MAGI2: variants seen among roughly 807,000 people sequenced by gnomAD.
MAGI2 encodes membrane-associated guanylate kinase, WW and PDZ domain-containing protein 2.
MAGI2 carries 35 observed loss-of-function variants against 133.3 expected under a neutral mutation model. The observed-to-expected ratio is 0.26, with a 90% CI of 0.20 to 0.35. MAGI2 has a LOEUF of 0.35. Ranked by LOEUF, MAGI2 falls within the 10% of genes least tolerant of loss-of-function variation. The pLI, the probability that MAGI2 is intolerant of heterozygous loss-of-function variation, is 1.00. For synonymous variants in MAGI2, 729 were observed against 710.6 expected, an observed-to-expected ratio of 1.03 and a Z score of -0.41; for missense variants, 1,636 against 1,863.4, an observed-to-expected ratio of 0.88 and a Z score of 2.25.
At chr7:78,025,251 G>A (rs1194318959) in intron 21 of MAGI2, among the ~76,000 whole-genome samples, 1 of 152,114 alleles carries the variant, frequency 6.6e-6, no homozygotes, top group Non-Finnish European at 1.5e-5. Flanking sequence ...AGAACATGGC[G>A]GGTTCTTTTT....
chr7:79,006,926 G>A, intron 2 of MAGI2, 164 bp downstream of exon 2: 1 of 523,310 alleles, frequency 1.9e-6, no homozygotes, highest in East Asian at 3.2e-5. Context: ...TACTACTGCA[G>A]TTATAAGCAT....
At chr7:78,232,834 T>A (rs753740537) in intron 10 of MAGI2, among the ~76,000 whole-genome samples, 6 of 152,136 alleles carry the variant, frequency 3.9e-5, no homozygotes, top group Non-Finnish European at 5.9e-5. Flanking sequence ...TAGGAAGAAA[T>A]ACTTTGCAAT....
At chr7:79,172,154 A>G (rs922613257) in intron 1 of MAGI2, among the ~76,000 whole-genome samples, 1 of 152,060 alleles carries the variant, frequency 6.6e-6, no homozygotes, top group Non-Finnish European at 1.5e-5. Flanking sequence ...TTGAATTTAG[A>G]ACTTGTGAAC....
chr7:78,100,246 G>A (rs1044746679), intron 20 of MAGI2, among the ~76,000 whole-genome samples: 1 of 152,178 alleles, frequency 6.6e-6, no homozygotes, highest in African/African-American at 2.4e-5. Flanking sequence ...TACTTGACAT[G>A]TCAGGAGGGC....
chr7:78,903,591 G>A (rs919638866), intron 2 of MAGI2, among the ~76,000 whole-genome samples: 1 of 152,156 alleles, frequency 6.6e-6, no homozygotes, highest in Non-Finnish European at 1.5e-5. Flanking sequence ...AGACAATGGA[G>A]TGAGAAAGTG....
chr7:78,263,533 G>T (rs555412492), intron 9 of MAGI2, among the ~76,000 whole-genome samples: 1 of 152,070 alleles, frequency 6.6e-6, no homozygotes, highest in Non-Finnish European at 1.5e-5. Context: ...GTGAGCTTGT[G>T]GGGTAATGGG....
chr7:79,052,484 C>G (rs1005050482), intron 1 of MAGI2, among the ~76,000 whole-genome samples: 1 of 152,212 alleles, frequency 6.6e-6, no homozygotes, highest in East Asian at 1.9e-4. Context: ...GGCTTTCCCA[C>G]TCTTCCCAAG....
chr7:78,489,874 A>G, intron 5 of MAGI2, 34 bp from the exon 6 acceptor site: 3 of 1,498,826 alleles, frequency 2.0e-6, no homozygotes, highest in Non-Finnish European at 2.7e-6. Flanking sequence ...GAACAGACAC[A>G]TACTAAAAGG....
chr7:78,781,944 G>A (rs890211854), intron 2 of MAGI2, among the ~76,000 whole-genome samples: 3 of 152,148 alleles, frequency 2.0e-5, no homozygotes, highest in Admixed American at 1.3e-4. Context: ...CCCCTTGGAA[G>A]TTCCTACGTA....
chr7:78,212,400 T>A (rs568219135), intron 10 of MAGI2, among the ~76,000 whole-genome samples: 1 of 152,324 alleles, frequency 6.6e-6, no homozygotes, highest in Admixed American at 6.5e-5. Context: ...GAAACGTTCC[T>A]GGCTGCAGCT....
intron 1 of MAGI2, among the ~76,000 whole-genome samples, chr7:79,126,062 A>G (rs1820383054): frequency 6.6e-6 from 1 of 152,254 alleles, no homozygotes; most frequent in African/African-American, 2.4e-5. Context: ...AAGCATTCCA[A>G]CAAAGGGTTT....
chr7:78,578,033 CAAA>C (rs557622518), intron 3 of MAGI2, among the ~76,000 whole-genome samples: 2 of 121,862 alleles, frequency 1.6e-5, no homozygotes. Context: ...TGAAAAAGAC[CAAA>C]AAAAAAAAAA....
intron 6 of MAGI2, among the ~76,000 whole-genome samples, chr7:78,387,940 AT>A (rs1795541931): frequency 5.1e-5 from 2 of 39,424 alleles, no homozygotes; most frequent in African/African-American, 1.7e-4. Flanking sequence ...AAATAAATAA[AT>A]AAATAAATAA....
intron 2 of MAGI2, among the ~76,000 whole-genome samples, chr7:78,930,953 T>A (rs1002179697): frequency 2.6e-5 from 4 of 152,094 alleles, no homozygotes; most frequent in Admixed American, 2.0e-4. Context: ...AAAATGCCAC[T>A]GCGAAACGAA....
intron 2 of MAGI2, among the ~76,000 whole-genome samples, chr7:78,668,648 A>G (rs998170524): frequency 1.1e-4 from 16 of 151,918 alleles, no homozygotes; most frequent in African/African-American, 2.4e-4. Context: ...TATTAAATAG[A>G]GAATCCTTTC....
chr7:79,084,016 T>TA (rs1423739533), intron 1 of MAGI2, among the ~76,000 whole-genome samples: 1 of 151,676 alleles, frequency 6.6e-6, no homozygotes, highest in Non-Finnish European at 1.5e-5. Flanking sequence ...ACTCCCTTTT[T>TA]AACTCTTGAT....
intron 1 of MAGI2, among the ~76,000 whole-genome samples, chr7:79,041,169 C>T (rs1811629855): frequency 6.6e-6 from 1 of 152,126 alleles, no homozygotes; most frequent in Non-Finnish European, 1.5e-5. Context: ...ATCCACTATT[C>T]CTTAGAGATA....
chr7:79,252,807 C>T (rs962929492), intron 1 of MAGI2, among the ~76,000 whole-genome samples: 1 of 152,028 alleles, frequency 6.6e-6, no homozygotes, highest in Non-Finnish European at 1.5e-5. Context: ...CAAATTCTTA[C>T]TTTTAAGAGG....
intron 9 of MAGI2, among the ~76,000 whole-genome samples, chr7:78,341,559 T>C (rs1303787089): frequency 2.6e-5 from 4 of 152,156 alleles, no homozygotes; most frequent in African/African-American, 4.8e-5. Flanking sequence ...CTTCCAACTA[T>C]ACTATAAGGC....
Sources: gnomAD v4.1 joint callset for allele counts (sites outside exome capture counted in the v4.1 genomes callset) on GRCh38, gnomAD v4.1.1 for gene constraint, MANE v1.5 for transcripts, NCBI Gene and HGNC (gene_info 2026-07-23, HGNC 2026-07-21) for gene names.